The following ELOVL2 variants were observed in gnomAD, a reference collection of about 807,000 sequenced individuals.
The protein encoded by ELOVL2 is ELOVL fatty acid elongase 2, also known as very long chain fatty acid elongase 2.
A neutral mutation model predicts 37.7 loss-of-function variants in ELOVL2; 38 were observed. The ratio of observed to expected loss-of-function variants is 1.01; its 90% confidence interval spans 0.78 to 1.32. The LOEUF (loss-of-function observed/expected upper bound fraction) is 1.32, where lower values mean the gene tolerates loss of function less well. Ranked by LOEUF, ELOVL2 falls within the 40% of genes most tolerant of loss-of-function variation. The pLI is 0.00. For missense variants in ELOVL2, 352 were observed against 363.6 expected (o/e 0.97, Z 0.26); for synonymous variants, 115 against 122.3 (o/e 0.94, Z 0.40).
At chr6:11,027,324 C>CT (rs1561726733) in intron 1 of ELOVL2, among the ~76,000 whole-genome samples, 1 of 152,092 alleles carries the variant, frequency 6.6e-6, no homozygotes, top group Non-Finnish European at 1.5e-5. Context: ...AAACAAGTGA[C>CT]TTTTTTTAAA....
chr6:11,027,864 T>C (rs1276333511), intron 1 of ELOVL2, among the ~76,000 whole-genome samples: 2 of 152,216 alleles, frequency 1.3e-5, no homozygotes, highest in Non-Finnish European at 2.9e-5. Flanking sequence ...ATAAAGGACA[T>C]GAGCTCCAGA....
At chr6:10,987,375 T>G (rs1782070967) in intron 7 of ELOVL2, among the ~76,000 whole-genome samples, 1 of 152,222 alleles carries the variant, frequency 6.6e-6, no homozygotes, top group Admixed American at 6.5e-5. Flanking sequence ...TTTAGTTATT[T>G]CTTGCCTTCT....
Position 11,020,179 on chromosome 6 carries a change from G to A in ELOVL2, c.4-9370C>T, listed in dbSNP as rs552845747. On this transcript the variant is annotated intron_variant, in intron 1 of 7. Transcript: ENST00000354666. Reference sequence around the variant, plus strand: ...GAAAGTTGTACAAGTTCCTCCTTAAGTCTTAAAAAAAAAATCAGTTTCCAA... The same window carrying A: ...GAAAGTTGTACAAGTTCCTCCTTAAATCTTAAAAAAAAAATCAGTTTCCAA... Among the ~76,000 whole-genome samples the A allele has an allele frequency of 7.6e-3, 795 of 105,188 alleles. 4 individuals are homozygous for A. Among genetic ancestry groups the A allele is most frequent in the Non-Finnish European group, 9.7e-3 (541 of 55,566 alleles). 69.0% of individuals were successfully genotyped at this position (105,188 alleles called of 152,430 possible). A position where few individuals can be genotyped will look rare whatever the true frequency, so the allele number is the denominator to read the frequency against.
intron 5 of ELOVL2, 34 bp from the exon 6 acceptor site, chr6:10,990,476 C>A: frequency 6.5e-7 from 1 of 1,538,934 alleles, no homozygotes; most frequent in South Asian, 1.3e-5. Flanking sequence ...CACTATTCTT[C>A]CAGGAAGGAC....
chr6:11,040,789 G>GA (rs1783087302), intron 1 of ELOVL2, among the ~76,000 whole-genome samples: 1 of 152,080 alleles, frequency 6.6e-6, no homozygotes, highest in African/African-American at 2.4e-5. Flanking sequence ...CATCATATTT[G>GA]TTCCTCCCGA....
intron 1 of ELOVL2, among the ~76,000 whole-genome samples, chr6:11,018,863 C>G (rs1782722425): frequency 6.6e-6 from 1 of 152,194 alleles, no homozygotes; most frequent in South Asian, 2.1e-4. Flanking sequence ...TATTATATAA[C>G]CATTAATTTC....
chr6:11,024,708 A>G (rs1782814818), intron 1 of ELOVL2, among the ~76,000 whole-genome samples: 1 of 152,258 alleles, frequency 6.6e-6, no homozygotes, highest in Non-Finnish European at 1.5e-5. Flanking sequence ...CTGGCTCTAT[A>G]GTATTGTTGA....
intron 5 of ELOVL2, among the ~76,000 whole-genome samples, chr6:10,990,650 G>T (rs1782140798): frequency 7.2e-6 from 1 of 139,164 alleles, no homozygotes; most frequent in African/African-American, 2.7e-5. Flanking sequence ...GAGTAGCCTG[G>T]GATGGTTTTT....
intron 1 of ELOVL2, among the ~76,000 whole-genome samples, chr6:11,015,374 T>C (rs1034848263): frequency 3.9e-5 from 6 of 152,066 alleles, no homozygotes; most frequent in Admixed American, 3.3e-4. Flanking sequence ...CAGAAAAGAC[T>C]CAAGACAACC....
chr6:11,013,793 C>G (rs1461435033), intron 1 of ELOVL2, among the ~76,000 whole-genome samples: 1 of 151,190 alleles, frequency 6.6e-6, no homozygotes, highest in Non-Finnish European at 1.5e-5. Context: ...TAGACCTGAG[C>G]GAGAGGCACT....
chr6:11,016,925 GC>G (rs1782692957), intron 1 of ELOVL2, among the ~76,000 whole-genome samples: 1 of 149,722 alleles, frequency 6.7e-6, no homozygotes, highest in Non-Finnish European at 1.5e-5. Flanking sequence ...CCCCTAAACT[GC>G]CTTTTCAGGG....
intron 1 of ELOVL2, among the ~76,000 whole-genome samples, chr6:11,018,975 A>G (rs1189062278): frequency 1.3e-5 from 2 of 152,106 alleles, no homozygotes; most frequent in Non-Finnish European, 2.9e-5. Flanking sequence ...TTTACCTTAT[A>G]TTTCCTGTAC....
At chr6:10,984,926 G>A (rs1010513915) in intron 7 of ELOVL2, among the ~76,000 whole-genome samples, 2 of 152,132 alleles carry the variant, frequency 1.3e-5, no homozygotes, top group African/African-American at 4.8e-5. Context: ...GATCCCTGAG[G>A]AATCGCCACA....
At chr6:11,010,675 A>G in intron 2 of ELOVL2, 71 bp downstream of exon 2, 1 of 1,211,642 alleles carries the variant, frequency 8.3e-7, no homozygotes, top group South Asian at 1.3e-5. Context: ...AAATAACATA[A>G]TCCCTTTCTA....
In ELOVL2 at chr6:11,030,355, C is replaced by T. The variant is rs116279801; in HGVS notation, c.3+13873G>A. Among the ~76,000 whole-genome samples, 1,024 of 152,214 alleles carry T rather than the reference C, an allele frequency of 6.7e-3. 5 individuals are homozygous for T. The highest frequency in any genetic ancestry group is 0.011 in the Non-Finnish European group (763 of 68,008). On this transcript the variant is annotated intron_variant, in intron 1 of 7. Transcript: ENST00000354666. ...TTCTTAACAGACCTCTGATCTGGGA[C>T]TCCAATGCAGATCCCAGATCCTTAT...
chr6:11,025,819 G>A (rs1278690318), intron 1 of ELOVL2, among the ~76,000 whole-genome samples: 1 of 152,076 alleles, frequency 6.6e-6, no homozygotes, highest in Non-Finnish European at 1.5e-5. Flanking sequence ...TCTTCACCCA[G>A]TTTTAGCCTC....
chr6:10,992,800 C>CAAAACCA (rs143690228), intron 5 of ELOVL2, among the ~76,000 whole-genome samples: 24 of 111,126 alleles, frequency 2.2e-4, no homozygotes, highest in African/African-American at 8.9e-4. Flanking sequence ...AAAAACAAAA[C>CAAAACCA]AAAAAAAAAC....
chr6:11,000,142 C>T lies in ELOVL2; in HGVS notation c.278G>A (p.Gly93Glu). Reference sequence around the variant, plus strand: ...ATCTTGACACTGTAAGTTGTAGCCTCCTTCCCAAGTGGAGAGAATGAGCTG... The same window carrying T: ...ATCTTGACACTGTAAGTTGTAGCCTTCTTCCCAAGTGGAGAGAATGAGCTG... ...LAELILSTWE[G>E]GYNLQCQDLT... Residue 93 changes from glycine to glutamate, a missense_variant, in exon 4 of 8, where the codon GGA becomes GAA. Gly to Glu is a moderately conservative substitution (Grantham distance 98). Transcript: ENST00000354666. 1 of 1,614,130 alleles carries T rather than the reference C, an allele frequency of 6.2e-7. No homozygotes were observed. The highest frequency in any genetic ancestry group is 8.5e-7 in the Non-Finnish European group (1 of 1,180,008).
intron 1 of ELOVL2, among the ~76,000 whole-genome samples, chr6:11,017,672 T>C (rs189147407): frequency 2.0e-5 from 3 of 152,336 alleles, no homozygotes; most frequent in East Asian, 3.9e-4. Context: ...AAGGGCCTAG[T>C]TACCAAAGAA....
Sources: allele counts gnomAD v4.1 joint callset (sites outside exome capture counted in the v4.1 genomes callset), GRCh38; gene constraint gnomAD v4.1.1; transcripts MANE v1.5; gene names NCBI Gene and HGNC (gene_info 2026-07-23, HGNC 2026-07-21).